Variants in TMEM45A observed in about 807,000 individuals in gnomAD.
The protein encoded by TMEM45A is transmembrane protein 45A, also known as DNA polymerase-transactivated protein 4.
A neutral mutation model predicts 32.0 loss-of-function variants in TMEM45A; 25 were observed. The observed-to-expected ratio is 0.78, with a 90% confidence interval of 0.57 to 1.09. The LOEUF is 1.09. Ranked by LOEUF, TMEM45A falls within the 50% of genes least tolerant of loss-of-function variation. The pLI is 0.00. For missense variants in TMEM45A, 302 were observed against 325.0 expected, an observed-to-expected ratio of 0.93 and a Z score of 0.54; for synonymous variants, 122 against 114.8, an observed-to-expected ratio of 1.06 and a Z score of -0.40.
intron 1 of TMEM45A, among the ~76,000 whole-genome samples, chr3:100,503,924 A>C (rs1352801937): frequency 6.6e-6 from 1 of 152,216 alleles, no homozygotes; most frequent in Non-Finnish European, 1.5e-5. Flanking sequence ...CATTTATGCC[A>C]TGTGTAACAT....
At chr3:100,536,969 C>T (rs981097402) in intron 1 of TMEM45A, among the ~76,000 whole-genome samples, 7 of 152,204 alleles carry the variant, frequency 4.6e-5, no homozygotes, top group African/African-American at 9.6e-5. Flanking sequence ...TCGCCCAGGC[C>T]GGAGTGCAAT....
At chr3:100,544,972 T>G (rs1197657136) in intron 1 of TMEM45A, among the ~76,000 whole-genome samples, 1 of 152,216 alleles carries the variant, frequency 6.6e-6, no homozygotes, top group Admixed American at 6.5e-5. Context: ...GAGTTCTAGC[T>G]GGTCCACATC....
intron 1 of TMEM45A, among the ~76,000 whole-genome samples, chr3:100,514,763 C>G (rs912084939): frequency 3.9e-5 from 6 of 152,046 alleles, no homozygotes; most frequent in African/African-American, 1.5e-4. Context: ...CTACAATGAA[C>G]TCTAACAAAT....
intron 1 of TMEM45A, among the ~76,000 whole-genome samples, chr3:100,493,671 A>G (rs1707883107): frequency 1.3e-5 from 2 of 152,070 alleles, no homozygotes; most frequent in African/African-American, 2.4e-5. Flanking sequence ...TATGGTGTAT[A>G]TGCTCTATGT....
chr3:100,532,794 T>C (rs1275544277), intron 1 of TMEM45A, among the ~76,000 whole-genome samples: 3 of 152,232 alleles, frequency 2.0e-5, no homozygotes, highest in Non-Finnish European at 4.4e-5. Context: ...GGCAAGTTTT[T>C]CAGCCTTTCT....
intron 1 of TMEM45A, among the ~76,000 whole-genome samples, chr3:100,510,098 GAA>G (rs1708135097): frequency 6.6e-6 from 1 of 152,238 alleles, no homozygotes; most frequent in Non-Finnish European, 1.5e-5. Context: ...TGAGAAGCTC[GAA>G]CTGGGTGGAG....
At chr3:100,553,464 T>C (rs963703360) in intron 1 of TMEM45A, among the ~76,000 whole-genome samples, 3 of 152,202 alleles carry the variant, frequency 2.0e-5, no homozygotes, top group African/African-American at 7.2e-5. Context: ...AAATATAAAA[T>C]GTTTAAGACT....
intron 1 of TMEM45A, among the ~76,000 whole-genome samples, chr3:100,499,351 T>C (rs941368125): frequency 2.6e-5 from 4 of 152,234 alleles, no homozygotes; most frequent in Non-Finnish European, 4.4e-5. Flanking sequence ...CTTTGTTCCA[T>C]TTTGAGTTAA....
At chr3:100,530,751 A>G (rs1447576319) in intron 1 of TMEM45A, among the ~76,000 whole-genome samples, 1 of 152,216 alleles carries the variant, frequency 6.6e-6, no homozygotes, top group Non-Finnish European at 1.5e-5. Flanking sequence ...TTGAATTAGG[A>G]TCCAGATAAA....
intron 1 of TMEM45A, among the ~76,000 whole-genome samples, chr3:100,545,840 G>C (rs1356398356): frequency 1.3e-5 from 2 of 152,174 alleles, no homozygotes; most frequent in African/African-American, 4.8e-5. Context: ...GTGGTAGGCA[G>C]AACAGTGTTC....
intron 1 of TMEM45A, among the ~76,000 whole-genome samples, 192 bp downstream of exon 1, chr3:100,493,120 CT>C (rs570241165): frequency 0.013 from 1,514 of 115,730 alleles, 8 homozygotes; most frequent in African/African-American, 0.046. Flanking sequence ...GTTTGCTATT[CT>C]TTTTTTTTTT....
chr3:100,565,602 G>A (rs1706416127), intron 4 of TMEM45A, among the ~76,000 whole-genome samples: 1 of 152,048 alleles, frequency 6.6e-6, no homozygotes, highest in Admixed American at 6.5e-5. Context: ...CTTGAAAAGG[G>A]CCATTGCAAG....
At chr3:100,528,413 A>G (rs1414953637) in intron 1 of TMEM45A, among the ~76,000 whole-genome samples, 1 of 152,152 alleles carries the variant, frequency 6.6e-6, no homozygotes, top group Admixed American at 6.5e-5. Context: ...AGGTTTTGTC[A>G]TGAATTTGTA....
intron 1 of TMEM45A, among the ~76,000 whole-genome samples, chr3:100,511,926 A>G (rs1347820366): frequency 3.3e-5 from 5 of 152,142 alleles, no homozygotes; most frequent in Non-Finnish European, 7.3e-5. Flanking sequence ...AGAGCTAACT[A>G]TCCTAAATAT....
intron 5 of TMEM45A, chr3:100,570,886 A>G (rs1706543490): frequency 6.6e-6 from 1 of 152,196 alleles, no homozygotes; most frequent in Non-Finnish European, 1.5e-5. Context: ...TCCACCTGGC[A>G]TATTCACATT....
chr3:100,493,168 G>A (rs1707873292), intron 1 of TMEM45A, among the ~76,000 whole-genome samples: 1 of 144,354 alleles, frequency 6.9e-6, no homozygotes, highest in African/African-American at 2.6e-5. Flanking sequence ...AATATCCTGG[G>A]AGCAGCAATG....
chr3:100,541,616 C>T (rs368193986), intron 1 of TMEM45A, among the ~76,000 whole-genome samples: 32 of 148,230 alleles, frequency 2.2e-4, no homozygotes, highest in African/African-American at 7.2e-4. Context: ...TGCCGCCTCA[C>T]CTTCCTGGGA....
At chr3:100,568,785 G>T (rs765512421) in intron 4 of TMEM45A, 37 bp from the exon 5 acceptor site, 1 of 1,564,894 alleles carries the variant, frequency 6.4e-7, no homozygotes, top group South Asian at 1.2e-5. Flanking sequence ...GAATGTGATT[G>T]GTTATTTTAA....
chr3:100,531,026 G>A (rs985085026), intron 1 of TMEM45A, among the ~76,000 whole-genome samples: 2 of 151,790 alleles, frequency 1.3e-5, no homozygotes, highest in East Asian at 3.9e-4. Context: ...AAATACATTG[G>A]GTGTATCTTG....
Sources: gnomAD v4.1 joint callset for allele counts (sites outside exome capture counted in the v4.1 genomes callset) on GRCh38, gnomAD v4.1.1 for gene constraint, MANE v1.5 for transcripts, NCBI Gene and HGNC (gene_info 2026-07-23, HGNC 2026-07-21) for gene names.